The following WDFY4 variants were observed in gnomAD, a reference collection of about 807,000 sequenced individuals.
WDFY4 encodes the protein WD repeat- and FYVE domain-containing protein 4.
In WDFY4, 169 loss-of-function variants were observed where a neutral mutation model predicts 351.9. The observed-to-expected ratio is 0.48, with a 90% CI of 0.42 to 0.55. WDFY4 has a LOEUF of 0.55. Among genes scored for constraint, WDFY4 ranks in the 20% least tolerant of loss-of-function variants. The probability of loss-of-function intolerance (pLI) is 0.00; values close to 1 mark genes in which losing one functional copy is unlikely to be tolerated. For missense variants in WDFY4, 3,803 were observed against 3,935.6 expected, an observed-to-expected ratio of 0.97 and a Z score of 0.90; for synonymous variants, 1,622 against 1,574.6, an observed-to-expected ratio of 1.03 and a Z score of -0.71.
intron 47 of WDFY4, among the ~76,000 whole-genome samples, chr10:48,917,544 G>T (rs1264597284): frequency 6.6e-6 from 1 of 152,212 alleles, no homozygotes; most frequent in Non-Finnish European, 1.5e-5. Context: ...AGGAATGACT[G>T]CAGGTTTCTC....
intron 51 of WDFY4, among the ~76,000 whole-genome samples, chr10:48,952,655 C>A (rs1841383826): frequency 6.6e-6 from 1 of 152,090 alleles, no homozygotes; most frequent in African/African-American, 2.4e-5. Context: ...CTTAGTGTCC[C>A]CTACGTGCCC....
chr10:48,726,905 A>G (rs1042020843), intron 6 of WDFY4, among the ~76,000 whole-genome samples: 1 of 152,120 alleles, frequency 6.6e-6, no homozygotes, highest in African/African-American at 2.4e-5. Flanking sequence ...TCAGACTCAA[A>G]TCTTCCCCTG....
At position 48,815,308 on chromosome 10, in the gene WDFY4, A is replaced by G. The variant is rs759204984; in HGVS notation, c.5340+1226A>G. 8.6e-5 allele frequency among the ~76,000 whole-genome samples: 13 copies of G among 151,764 alleles called. No individual in the cohort carries two copies. In the South Asian group the frequency reaches 1.0e-3, roughly 12 times the overall value. On this transcript the variant is annotated intron_variant, in intron 31 of 61. Transcript: ENST00000325239. ...ATTTATTATTTCTGAGGTTGAAATC[A>G]TTTTTCATATGTTTATTAGCTATCT...
chr10:48,770,012 A>G (rs942761260), intron 13 of WDFY4, among the ~76,000 whole-genome samples: 10 of 152,220 alleles, frequency 6.6e-5, no homozygotes, highest in Non-Finnish European at 1.2e-4. Context: ...CGTTAGGAAA[A>G]TCAATCCATT....
intron 47 of WDFY4, among the ~76,000 whole-genome samples, chr10:48,917,186 A>G (rs1373961621): frequency 6.6e-6 from 1 of 152,216 alleles, no homozygotes; most frequent in Non-Finnish European, 1.5e-5. Context: ...TGATGTTCAC[A>G]TAATGATGAA....
chr10:48,957,093 GA>G (rs1841627966), intron 51 of WDFY4, 35 bp from the exon 52 acceptor site: 1 of 1,537,050 alleles, frequency 6.5e-7, no homozygotes, highest in Admixed American at 2.0e-5. Context: ...GGGTGCCAGT[GA>G]GAGCGGCTGG....
chr10:48,721,450 C>T lies in WDFY4; in HGVS notation c.456+83C>T, dbSNP rs1435060207. On this transcript the variant is annotated intron_variant, in intron 4 of 61. Coordinates refer to ENST00000325239, the MANE Select transcript of WDFY4 (RefSeq NM_001394531.1). Reference sequence around the variant, plus strand: ...GGTCCAGCACAGGGTGGTGGCATATCCCAAGAGGGTCATTCGTTTCATAAA... The same window carrying T: ...GGTCCAGCACAGGGTGGTGGCATATTCCAAGAGGGTCATTCGTTTCATAAA... 7 of 1,208,388 alleles carry T rather than the reference C, an allele frequency of 5.8e-6. No individual in the cohort carries two copies. The East Asian group carries it at 7.7e-5, about 13-fold the overall frequency. The allele number at this position is 1,208,388 out of a possible 1,614,324, so 74.9% of individuals were successfully genotyped here.
At chr10:48,715,195 C>G (rs1198461580) in intron 2 of WDFY4, among the ~76,000 whole-genome samples, 1 of 152,258 alleles carries the variant, frequency 6.6e-6, no homozygotes, top group Non-Finnish European at 1.5e-5. Flanking sequence ...AAGTGGATCT[C>G]TTAGCTCCCA....
chr10:48,895,873 G>T (rs1438395434), intron 44 of WDFY4, among the ~76,000 whole-genome samples: 1 of 152,112 alleles, frequency 6.6e-6, no homozygotes, highest in Non-Finnish European at 1.5e-5. Flanking sequence ...ATGCCTGCTG[G>T]AGGCATGCCT....
At chr10:48,795,491 G>GTGTGTA (rs1416892459) in intron 23 of WDFY4, among the ~76,000 whole-genome samples, 1 of 101,240 alleles carries the variant, frequency 9.9e-6, no homozygotes, top group African/African-American at 4.5e-5. Flanking sequence ...GTGTGTGTCT[G>GTGTGTA]TATATATATA....
intron 39 of WDFY4, among the ~76,000 whole-genome samples, chr10:48,844,983 G>A (rs2068727904): frequency 6.6e-6 from 1 of 152,220 alleles, no homozygotes; most frequent in South Asian, 2.1e-4. Context: ...TCTCCAAGGA[G>A]GTGATAATGA....
rs2066120518 is a variant in WDFY4, at chr10:48,778,749, C to G, written c.3314C>G (p.Pro1105Arg). Residue 1105 changes from proline to arginine, a missense_variant, in exon 18 of 62, where the codon CCC becomes CGC. By Grantham distance (103) the Pro-to-Arg change is moderately radical. Transcript: ENST00000325239. ...LVRHLARTEQPFVCFSVSLCP... is the reference protein window; with the variant it reads ...LVRHLARTEQRFVCFSVSLCP... ...CGCCACCTGGCCAGGACTGAGCAACCCTTTGTTTGCTTCTCCGTCAGCCTC... is the reference window on the plus strand; with the variant it reads ...CGCCACCTGGCCAGGACTGAGCAACGCTTTGTTTGCTTCTCCGTCAGCCTC... The G allele has an allele frequency of 3.2e-6, 5 of 1,551,560 alleles. No individual in the cohort carries two copies. The highest frequency in any genetic ancestry group is 2.7e-5 in the African/African-American group (2 of 73,058).
At chr10:48,888,018 G>A (rs1304939183) in intron 43 of WDFY4, among the ~76,000 whole-genome samples, 1 of 152,186 alleles carries the variant, frequency 6.6e-6, no homozygotes, top group Non-Finnish European at 1.5e-5. Context: ...AAGATGAATT[G>A]TTAAGAGAAA....
At chr10:48,715,607 G>T (rs573866682) in intron 2 of WDFY4, among the ~76,000 whole-genome samples, 2 of 152,160 alleles carry the variant, frequency 1.3e-5, no homozygotes, top group East Asian at 3.9e-4. Context: ...CAATAGCAAA[G>T]ATGACCAAGA....
At chr10:48,907,668 G>A (rs1837689537) in intron 47 of WDFY4, among the ~76,000 whole-genome samples, 1 of 152,134 alleles carries the variant, frequency 6.6e-6, no homozygotes. Context: ...CTGGGGGGAG[G>A]CTAAAGTTCA....
intron 40 of WDFY4, among the ~76,000 whole-genome samples, chr10:48,870,883 C>G (rs766711453): frequency 1.3e-5 from 2 of 152,018 alleles, no homozygotes; most frequent in Non-Finnish European, 2.9e-5. Context: ...GTGATGAAGA[C>G]CCAGGGAGCT....
intron 43 of WDFY4, among the ~76,000 whole-genome samples, chr10:48,880,240 G>A (rs570117886): frequency 1.8e-4 from 27 of 152,282 alleles, no homozygotes; most frequent in African/African-American, 6.0e-4. Context: ...TCCCAGCCCC[G>A]CCTCTTGCAG....
chr10:48,854,204 G>A (rs2069057292), intron 39 of WDFY4, among the ~76,000 whole-genome samples: 1 of 151,586 alleles, frequency 6.6e-6, no homozygotes, highest in Admixed American at 6.6e-5. Context: ...TACCTCCGGG[G>A]TTCAAGCCAC....
intron 39 of WDFY4, among the ~76,000 whole-genome samples, chr10:48,840,783 T>G (rs1221412304): frequency 1.3e-5 from 2 of 152,226 alleles, no homozygotes; most frequent in Admixed American, 6.5e-5. Flanking sequence ...CTTTTTCCAT[T>G]TTAAGGAGTC....
Sources: gnomAD v4.1 joint callset for allele counts (sites outside exome capture counted in the v4.1 genomes callset) on GRCh38, gnomAD v4.1.1 for gene constraint, MANE v1.5 for transcripts, NCBI Gene and HGNC (gene_info 2026-07-23, HGNC 2026-07-21) for gene names.